Variants in GPR158 observed in about 807,000 individuals in gnomAD.
GPR158 encodes metabotropic glycine receptor.
GPR158 carries 30 observed loss-of-function variants against 78.2 expected under a neutral mutation model. The observed-to-expected ratio is 0.38, with a 90% confidence interval of 0.29 to 0.52. The LOEUF (loss-of-function observed/expected upper bound fraction) is 0.52, where lower values mean the gene tolerates loss of function less well. Ranked by LOEUF, GPR158 falls within the 20% of genes least tolerant of loss-of-function variation. The pLI is 0.83. For missense variants in GPR158, 1,463 were observed against 1,523.5 expected (o/e 0.96, Z 0.66); for synonymous variants, 581 against 591.1 (o/e 0.98, Z 0.25).
At chr10:25,472,778 T>C (rs1835525951) in intron 5 of GPR158, among the ~76,000 whole-genome samples, 1 of 152,246 alleles carries the variant, frequency 6.6e-6, no homozygotes, top group Non-Finnish European at 1.5e-5. Flanking sequence ...TGTACAAGAA[T>C]GCTTGTGATT....
chr10:25,530,399 G>A lies in GPR158; in HGVS notation c.1405-20577G>A, dbSNP rs562321156. ...AGAGCAGCTCAAAATGACCTGTAGC[G>A]ATAAAATATTATTACGGATGTAGAA... On this transcript the variant is annotated intron_variant, in intron 5 of 10. Coordinates refer to ENST00000376351, the MANE Select transcript of GPR158 (RefSeq NM_020752.3). 2.6e-5 allele frequency among the ~76,000 whole-genome samples: 4 copies of A among 152,196 alleles called. 1 individual carries two copies. The South Asian group carries it at 8.3e-4, about 32-fold the overall frequency.
chr10:25,192,284 T>C (rs1340916902), intron 1 of GPR158, among the ~76,000 whole-genome samples: 2 of 152,142 alleles, frequency 1.3e-5, no homozygotes, highest in East Asian at 3.8e-4. Context: ...TCCGCCACGG[T>C]TTTAAGTTTC....
At chr10:25,182,784 G>T (rs1186069807) in intron 1 of GPR158, among the ~76,000 whole-genome samples, 1 of 152,220 alleles carries the variant, frequency 6.6e-6, no homozygotes, top group Non-Finnish European at 1.5e-5. Flanking sequence ...GGCGTATGTT[G>T]TTGATGCTAT....
Position 25,499,978 on chromosome 10 carries a change from G to A in GPR158, c.1404+33259G>A, listed in dbSNP as rs1170118695. ...ATTCCAAGTTCAATGAGAAGCCTTTGAGCCCAACAGGTTGATTGCCTTCAC... is the reference window on the plus strand; with the variant it reads ...ATTCCAAGTTCAATGAGAAGCCTTTAAGCCCAACAGGTTGATTGCCTTCAC... On this transcript the variant is annotated intron_variant, in intron 5 of 10. Transcript: ENST00000376351. Among the ~76,000 whole-genome samples the A allele has an allele frequency of 2.0e-5, 3 of 152,338 alleles. No homozygotes were observed. The East Asian group carries it at 5.8e-4, about 29-fold the overall frequency.
At chr10:25,469,864 T>C (rs1422068553) in intron 5 of GPR158, among the ~76,000 whole-genome samples, 1 of 147,238 alleles carries the variant, frequency 6.8e-6, no homozygotes, top group African/African-American at 2.5e-5. Context: ...CCACCTGGTC[T>C]AAACTGTGAT....
At chr10:25,445,622 G>A (rs1481113932) in intron 4 of GPR158, among the ~76,000 whole-genome samples, 3 of 152,136 alleles carry the variant, frequency 2.0e-5, no homozygotes, top group Non-Finnish European at 4.4e-5. Flanking sequence ...TAGTTTCCAG[G>A]AGAAATGATG....
chr10:25,239,051 G>C (rs1853568936), intron 2 of GPR158, among the ~76,000 whole-genome samples: 1 of 152,208 alleles, frequency 6.6e-6, no homozygotes, highest in Non-Finnish European at 1.5e-5. Flanking sequence ...TACTTGTTGG[G>C]GGAGGTAGGA....
At chr10:25,443,541 C>T (rs185090230) in intron 4 of GPR158, among the ~76,000 whole-genome samples, 13 of 137,642 alleles carry the variant, frequency 9.4e-5, no homozygotes, top group African/African-American at 3.1e-4. Flanking sequence ...GGCGACAGAG[C>T]GAGAGACTGT....
rs773247261 is a variant in GPR158 at position 25,594,349 on chromosome 10, T to C, written c.1950T>C (p.His650=). Residue 650 remains histidine (H), a synonymous_variant, in exon 9 of 11, where the codon CAT becomes CAC. Transcript: ENST00000376351. ...GGATGTTGATGCTGTATTTTGCACATACTCATTTGACTGTGACAGTCACCA... is the reference window on the plus strand; with the variant it reads ...GGATGTTGATGCTGTATTTTGCACACACTCATTTGACTGTGACAGTCACCA... ...SDWMLMLYFA[H]THLTVTVTIG... is the part of the protein sequence containing the mutation. The C allele has an allele frequency of 6.3e-7, 1 of 1,595,940 alleles. No individual in the cohort carries two copies.
intron 5 of GPR158, among the ~76,000 whole-genome samples, chr10:25,476,316 A>C (rs572222575): frequency 6.6e-6 from 1 of 151,994 alleles, no homozygotes; most frequent in South Asian, 2.1e-4. Flanking sequence ...AGTAAAGCAC[A>C]TTCTTTGTAA....
chr10:25,564,721 G>A (rs923124252), intron 6 of GPR158, among the ~76,000 whole-genome samples: 7 of 152,166 alleles, frequency 4.6e-5, no homozygotes, highest in African/African-American at 1.4e-4. Flanking sequence ...ATCAAAGAAA[G>A]TTGAAATGCT....
Position 25,272,315 on chromosome 10 carries a change from C to T in GPR158, c.1008+51158C>T, listed in dbSNP as rs575697850. On this transcript the variant is annotated intron_variant, in intron 2 of 10. Coordinates refer to ENST00000376351, the MANE Select transcript of GPR158 (RefSeq NM_020752.3). ...TATTTGCTTTTTGATTCTCTTGTCT[C>T]ACATTTTCTTAATGAAAGAAAATTT... is the stretch of plus-strand genomic sequence containing the variant. 5.3e-5 allele frequency among the ~76,000 whole-genome samples: 8 copies of T among 152,250 alleles called. 1 individual carries two copies. The East Asian group carries it at 1.5e-3, about 29-fold the overall frequency.
chr10:25,320,057 AG>A, intron 2 of GPR158, among the ~76,000 whole-genome samples: 1 of 152,280 alleles, frequency 6.6e-6, no homozygotes, highest in African/African-American at 2.4e-5. Flanking sequence ...ACCCTAATCC[AG>A]CCCCGTCGAG....
intron 2 of GPR158, among the ~76,000 whole-genome samples, chr10:25,229,111 G>A (rs74123700): frequency 4.2e-4 from 64 of 152,146 alleles, no homozygotes; most frequent in African/African-American, 1.3e-3. Context: ...AGGCAAGAGG[G>A]CATATGCAAC....
intron 6 of GPR158, among the ~76,000 whole-genome samples, chr10:25,556,908 G>T (rs75525943): frequency 0.27 from 40,783 of 151,970 alleles, 6,703 homozygotes; most frequent in Non-Finnish European, 0.36. Flanking sequence ...TTGAAAAAAA[G>T]TTTTGTAAGT....
intron 2 of GPR158, among the ~76,000 whole-genome samples, chr10:25,360,522 G>T (rs1479032467): frequency 6.6e-6 from 1 of 151,626 alleles, no homozygotes; most frequent in Non-Finnish European, 1.5e-5. Context: ...TTTCCCCATT[G>T]CTTGTTTTTG....
At chr10:25,376,473 A>G (rs1685995037) in intron 2 of GPR158, among the ~76,000 whole-genome samples, 3 of 151,710 alleles carry the variant, frequency 2.0e-5, no homozygotes, top group South Asian at 4.1e-4. Flanking sequence ...ACCACTGTCA[A>G]TTTTGTGTTT....
intron 5 of GPR158, among the ~76,000 whole-genome samples, chr10:25,521,464 C>T (rs940364920): frequency 2.0e-5 from 3 of 152,210 alleles, no homozygotes; most frequent in Non-Finnish European, 2.9e-5. Flanking sequence ...TTAAGTTTGA[C>T]TTCACCTTTG....
At chr10:25,554,790 GT>G (rs1285729258) in intron 6 of GPR158, among the ~76,000 whole-genome samples, 3 of 152,106 alleles carry the variant, frequency 2.0e-5, no homozygotes, top group Non-Finnish European at 4.4e-5. Context: ...GGTGTATTCT[GT>G]TTTTTGTCAC....
Sources: gnomAD v4.1 joint callset for allele counts (sites outside exome capture counted in the v4.1 genomes callset) on GRCh38, gnomAD v4.1.1 for gene constraint, MANE v1.5 for transcripts, NCBI Gene and HGNC (gene_info 2026-07-23, HGNC 2026-07-21) for gene names.